ABCA8: variants seen among roughly 807,000 people sequenced by gnomAD.
ABCA8 encodes the protein ATP binding cassette subfamily A member 8.
A neutral mutation model predicts 192.3 loss-of-function variants in ABCA8; 177 were observed. That is an observed-to-expected ratio of 0.92 (90% CI 0.81 to 1.04). ABCA8 has a LOEUF of 1.04. Ranked by LOEUF, ABCA8 falls within the 50% of genes least tolerant of loss-of-function variation. ABCA8 has a pLI of 0.00. For synonymous variants in ABCA8, 642 were observed against 690.2 expected (o/e 0.93, Z 1.09); for missense variants, 1,915 against 1,904.8 (o/e 1.01, Z -0.10).
intron 24 of ABCA8, among the ~76,000 whole-genome samples, chr17:68,890,643 TGA>T (rs1598207352): frequency 6.6e-6 from 1 of 152,134 alleles, no homozygotes; most frequent in East Asian, 1.9e-4. Flanking sequence ...CTCAGCCTCC[TGA>T]GTAGCTGAGA....
At chr17:68,935,539 CCTATAT>C (rs2068039650) in intron 5 of ABCA8, among the ~76,000 whole-genome samples, 1 of 41,820 alleles carries the variant, frequency 2.4e-5, no homozygotes, top group African/African-American at 1.0e-4. Flanking sequence ...GAGTAGTATT[CCTATAT>C]ATATATATAT....
chr17:68,880,485 G>A (rs916472892), intron 32 of ABCA8, among the ~76,000 whole-genome samples: 3 of 152,194 alleles, frequency 2.0e-5, no homozygotes, highest in Non-Finnish European at 4.4e-5. Context: ...CAGGCAATGA[G>A]AAGCAGAGAA....
At chr17:68,873,834 C>T (rs545007596) in intron 37 of ABCA8, among the ~76,000 whole-genome samples, 18 of 152,256 alleles carry the variant, frequency 1.2e-4, no homozygotes, top group African/African-American at 2.4e-4. Context: ...ATTCTTGGCA[C>T]GCTTTTTGAA....
At chr17:68,893,596 A>C (rs1313480434) in intron 23 of ABCA8, among the ~76,000 whole-genome samples, 4 of 142,946 alleles carry the variant, frequency 2.8e-5, no homozygotes, top group Non-Finnish European at 6.4e-5. Context: ...TCCTTCCTTC[A>C]TTCATTCGTT....
chr17:68,882,853 C>A, intron 29 of ABCA8, 134 bp from the exon 30 acceptor site: 2 of 685,464 alleles, frequency 2.9e-6, no homozygotes. Context: ...CAACTCTCAT[C>A]CCCTTAAAAC....
intron 17 of ABCA8, among the ~76,000 whole-genome samples, chr17:68,913,532 A>T (rs1213770806): frequency 6.6e-6 from 1 of 152,076 alleles, no homozygotes; most frequent in African/African-American, 2.4e-5. Flanking sequence ...AATAAATAAA[A>T]TCAGAGATAA....
chr17:68,918,199 AAGT>A lies in ABCA8; in HGVS notation c.1909-17_1909-15del. On this transcript the variant is annotated splice_polypyrimidine_tract_variant and intron_variant, in intron 15 of 39. Coordinates refer to ENST00000586539, the MANE Select transcript of ABCA8 (RefSeq NM_001288985.2). Reference sequence around the variant, plus strand: ...CAACAGGAAAATCTATAAACGAGGAAAGTATATAAGGCGGTTTTCCTCAAAGGT... The same window carrying A: ...CAACAGGAAAATCTATAAACGAGGAAATATAAGGCGGTTTTCCTCAAAGGT... 3.1e-6 allele frequency: 5 copies of A among 1,613,978 alleles called. No individual in the cohort carries two copies. Among genetic ancestry groups the A allele is most frequent in the Non-Finnish European group, 3.4e-6 (4 of 1,179,972 alleles).
intron 32 of ABCA8, chr17:68,878,222 T>C (rs967498937): frequency 6.6e-6 from 1 of 152,226 alleles, no homozygotes; most frequent in Non-Finnish European, 1.5e-5. Context: ...GGGGTAAGAA[T>C]AACTGGGGAA....
chr17:68,885,130 A>G, intron 27 of ABCA8, 66 bp downstream of exon 27: 3 of 1,529,550 alleles, frequency 2.0e-6, no homozygotes, highest in Non-Finnish European at 2.6e-6. Flanking sequence ...GACCTTCAAC[A>G]TTGGGCAAAG....
rs60957466 is a variant in ABCA8 at position 68,911,734 on chromosome 17, T to TACACACACACACAC, written c.2139-3869_2139-3856dup. 4.8e-4 allele frequency among the ~76,000 whole-genome samples: 69 copies of TACACACACACACAC among 144,076 alleles called. No individual in the cohort carries two copies. The highest frequency in any genetic ancestry group is 9.3e-4 in the South Asian group (4 of 4,324). The allele number at this position is 144,076 out of a possible 152,430, so 94.5% of individuals were successfully genotyped here. A position where few individuals can be genotyped will look rare whatever the true frequency, so the allele number is the denominator to read the frequency against. ...CCTCTGCCAGCTCCAGACAGCTCAA[T>TACACACACACACAC]ACACACACACACACACACACACACA... On this transcript the variant is annotated intron_variant, in intron 17 of 39. Transcript: ENST00000586539. This position sits in a 1 kb window ranked among gnomAD's most constrained non-coding sequence, Gnocchi z 5.7.
Position 68,893,870 on chromosome 17 carries a change from A to G in ABCA8, c.3036+303T>C, listed in dbSNP as rs549223742. On this transcript the variant is annotated intron_variant, in intron 23 of 39. Transcript: ENST00000586539. Reference sequence around the variant, plus strand: ...CATCTAGCATTAGGTATATCTCCCAATGCTATCCCTCCCCCCTCCCCCCAC... The same window carrying G: ...CATCTAGCATTAGGTATATCTCCCAGTGCTATCCCTCCCCCCTCCCCCCAC... Among the ~76,000 whole-genome samples the G allele has an allele frequency of 1.8e-3, 256 of 139,610 alleles. 1 individual carries two copies. The highest frequency in any genetic ancestry group is 6.4e-3 in the African/African-American group (245 of 38,186). The allele number at this position is 139,610 out of a possible 152,430, so 91.6% of individuals were successfully genotyped here. A position where few individuals can be genotyped will look rare whatever the true frequency, so the allele number is the denominator to read the frequency against.
intron 10 of ABCA8, among the ~76,000 whole-genome samples, chr17:68,925,170 GAT>G (rs2067663563): frequency 6.6e-6 from 1 of 152,168 alleles, no homozygotes; most frequent in Non-Finnish European, 1.5e-5. Context: ...GCTAATGTAA[GAT>G]ATGCAGGCAT....
In ABCA8 at chr17:68,877,617, C is replaced by A. The variant is rs772572945; in HGVS notation, c.4101G>T (p.Glu1367Asp). ...ALEFLGYCPQ[E>D]NALWPNLTVR... is the part of the protein sequence containing the mutation. ...CTGTCAGGTTGGGCCACAGCGCGTT[C>A]TCCTGAGGGCAGTACCCCAGGAACT... The change falls in exon 33 of 40, where the codon GAG becomes GAT. Residue 1367 changes from glutamate (E) to aspartate (D), a missense_variant. By Grantham distance (45) the Glu-to-Asp change is conservative. Transcript: ENST00000586539. The A allele has an allele frequency of 3.7e-6, 6 of 1,614,164 alleles. No homozygotes were observed. The highest frequency in any genetic ancestry group is 5.1e-6 in the Non-Finnish European group (6 of 1,179,994).
intron 23 of ABCA8, among the ~76,000 whole-genome samples, chr17:68,893,034 GAT>G (rs2066653226): frequency 6.6e-6 from 1 of 151,786 alleles, no homozygotes; most frequent in African/African-American, 2.4e-5. Context: ...AAGAATGACA[GAT>G]ATGTGATCCA....
intron 37 of ABCA8, among the ~76,000 whole-genome samples, chr17:68,870,221 C>T (rs1279934982): frequency 3.3e-5 from 5 of 152,198 alleles, no homozygotes; most frequent in Non-Finnish European, 7.3e-5. Flanking sequence ...GTAGAACACC[C>T]CTTTTCTCTC....
intron 17 of ABCA8, among the ~76,000 whole-genome samples, chr17:68,910,520 G>A (rs551404069): frequency 6.6e-5 from 10 of 152,278 alleles, no homozygotes; most frequent in African/African-American, 2.2e-4. Flanking sequence ...CACAGGGACT[G>A]AAATTCCTGG....
chr17:68,891,635 AT>A, intron 23 of ABCA8, 39 bp from the exon 24 acceptor site: 1 of 1,456,348 alleles, frequency 6.9e-7, no homozygotes, highest in Non-Finnish European at 9.5e-7. Flanking sequence ...GAATGAAGAA[AT>A]TTAAAGTTAA....
chr17:68,908,113 C>T (rs747811622), intron 17 of ABCA8, among the ~76,000 whole-genome samples: 1 of 152,110 alleles, frequency 6.6e-6, no homozygotes, highest in African/African-American at 2.4e-5. Flanking sequence ...ATGAGAGTTA[C>T]TGGTGAGGTT....
At position 68,868,162 on chromosome 17, in the gene ABCA8, C is replaced by G. The variant is rs1417611454; in HGVS notation, c.4789G>C (p.Glu1597Gln). The change falls in exon 40 of 40, where the codon GAG (glutamate) becomes CAG (glutamine). Residue 1597 changes from glutamate to glutamine, a missense_variant. Coordinates refer to ENST00000586539, the MANE Select transcript of ABCA8 (RefSeq NM_001288985.2). ...LEQVFLELSK[E>Q]QELGDFEEDF... ...TCCTCAAAATCACCCAGCTCCTGCTCCTTGGAGAGCTCCAGGAAAACCTGA... is the reference window on the plus strand; with the variant it reads ...TCCTCAAAATCACCCAGCTCCTGCTGCTTGGAGAGCTCCAGGAAAACCTGA... The G allele has an allele frequency of 3.1e-6, 5 of 1,612,942 alleles. No individual in the cohort carries two copies. The highest frequency in any genetic ancestry group is 3.4e-6 in the Non-Finnish European group (4 of 1,179,510).
Sources: gnomAD v4.1 joint callset for allele counts (sites outside exome capture counted in the v4.1 genomes callset) on GRCh38, gnomAD v4.1.1 for gene constraint, Gnocchi (gnomAD v3.1) non-coding constraint, MANE v1.5 for transcripts, NCBI Gene and HGNC (gene_info 2026-07-23, HGNC 2026-07-21) for gene names.